The following PCDHA10 variants were observed in gnomAD, a reference collection of about 807,000 sequenced individuals.
PCDHA10 encodes protocadherin alpha 10.
Under a neutral mutation model 61.2 loss-of-function variants are expected in PCDHA10, and 45 were observed. That is an observed-to-expected ratio of 0.74 (90% confidence interval 0.58 to 0.94). PCDHA10 has a LOEUF of 0.94. PCDHA10 is among the 40% of genes least tolerant of loss of function. The pLI is 0.00. For synonymous variants in PCDHA10, 602 were observed against 548.8 expected (o/e 1.10, Z -1.35); for missense variants, 1,278 against 1,236.2 (o/e 1.03, Z -0.51).
At chr5:140,999,877 G>C (rs1194481133) in intron 3 of PCDHA10, among the ~76,000 whole-genome samples, 1 of 152,152 alleles carries the variant, frequency 6.6e-6, no homozygotes, top group Non-Finnish European at 1.5e-5. Flanking sequence ...CTGAAAATTA[G>C]CCCAGCTGTA....
chr5:140,900,653 T>C (rs1163740859), intron 1 of PCDHA10, among the ~76,000 whole-genome samples: 1 of 152,220 alleles, frequency 6.6e-6, no homozygotes, highest in Non-Finnish European at 1.5e-5. Flanking sequence ...ACTGCTGCAA[T>C]GAACAATGGG....
At chr5:140,907,144 G>A (rs1006725502) in intron 1 of PCDHA10, among the ~76,000 whole-genome samples, 17 of 152,104 alleles carry the variant, frequency 1.1e-4, no homozygotes, top group Non-Finnish European at 2.4e-4. Flanking sequence ...CCGGCTATGG[G>A]AGAAACAGTA....
intron 1 of PCDHA10, among the ~76,000 whole-genome samples, chr5:140,935,913 GACAGATTC>G (rs1178474379): frequency 8.0e-6 from 1 of 125,106 alleles, no homozygotes; most frequent in Admixed American, 8.3e-5. Context: ...TTTTTTTTGA[GACAGATTC>G]TCATTCTGTT....
chr5:140,883,817 G>A, intron 1 of PCDHA10: 1 of 1,612,636 alleles, frequency 6.2e-7, no homozygotes, highest in Non-Finnish European at 8.5e-7. Context: ...GAGCGGCAAG[G>A]TGTACGCGCT....
Position 140,910,416 on chromosome 5 carries a change from A to G in PCDHA10, c.2388+51980A>G, listed in dbSNP as rs191093101. Among the ~76,000 whole-genome samples, 67 of 152,280 alleles carry G rather than the reference A, an allele frequency of 4.4e-4. No individual in the cohort carries two copies. In the East Asian group the frequency reaches 0.013, roughly 28 times the overall value. ...CTGGCCCCTGCCACCTCGAGATCCAATTATTCCCATTGCATTTAAGTTTTG... is the reference window on the plus strand; with the variant it reads ...CTGGCCCCTGCCACCTCGAGATCCAGTTATTCCCATTGCATTTAAGTTTTG... On this transcript the variant is annotated intron_variant, in intron 1 of 3. Coordinates refer to ENST00000307360, the MANE Select transcript of PCDHA10 (RefSeq NM_018901.4).
intron 3 of PCDHA10, among the ~76,000 whole-genome samples, chr5:141,000,339 A>ATC (rs1414297743): frequency 9.8e-6 from 1 of 102,338 alleles, no homozygotes; most frequent in Non-Finnish European, 2.1e-5. Context: ...GCAAGGCCCT[A>ATC]TCTCTCTCTC....
At chr5:140,937,332 C>A (rs1003482242) in intron 1 of PCDHA10, among the ~76,000 whole-genome samples, 1 of 152,094 alleles carries the variant, frequency 6.6e-6, no homozygotes, top group Non-Finnish European at 1.5e-5. Flanking sequence ...CCACCGCGCC[C>A]GGCTTCTTCC....
intron 1 of PCDHA10, among the ~76,000 whole-genome samples, chr5:140,918,164 G>T (rs1156404209): frequency 6.6e-6 from 1 of 152,088 alleles, no homozygotes; most frequent in East Asian, 1.9e-4. Context: ...TATTGTAAAT[G>T]GCATTGTGTT....
intron 1 of PCDHA10, chr5:140,928,228 C>T: frequency 6.2e-7 from 1 of 1,614,218 alleles, no homozygotes; most frequent in Non-Finnish European, 8.5e-7. Context: ...ACCAAACTTT[C>T]CTCAACCCCA....
chr5:140,940,774 G>T (rs1554213602), intron 1 of PCDHA10, among the ~76,000 whole-genome samples: 4 of 151,994 alleles, frequency 2.6e-5, no homozygotes, highest in African/African-American at 7.3e-5. Context: ...GACTTTTGAT[G>T]GTCCATATCC....
chr5:140,936,337 C>G (rs1226552278), intron 1 of PCDHA10, among the ~76,000 whole-genome samples: 17 of 152,160 alleles, frequency 1.1e-4, no homozygotes, highest in Non-Finnish European at 1.5e-5. Context: ...TTTTCTCTAT[C>G]TGCATATATG....
intron 1 of PCDHA10, among the ~76,000 whole-genome samples, chr5:140,890,509 A>G (rs1448258191): frequency 6.6e-6 from 1 of 151,802 alleles, no homozygotes; most frequent in African/African-American, 2.4e-5. Flanking sequence ...TTATGTCTCT[A>G]TTTCCTTCCT....
chr5:140,896,092 TG>T (rs2065379013), intron 1 of PCDHA10, among the ~76,000 whole-genome samples: 1 of 152,194 alleles, frequency 6.6e-6, no homozygotes, highest in Non-Finnish European at 1.5e-5. Context: ...ATTACAGGCG[TG>T]AGCCACTGTG....
At chr5:140,882,811 C>T in intron 1 of PCDHA10, 2 of 1,614,192 alleles carry the variant, frequency 1.2e-6, no homozygotes, top group Non-Finnish European at 8.5e-7. Flanking sequence ...TCACTTTGGA[C>T]GCACAAAACA....
chr5:140,902,258 G>A (rs1389556264), intron 1 of PCDHA10, among the ~76,000 whole-genome samples: 2 of 137,592 alleles, frequency 1.5e-5, no homozygotes, highest in African/African-American at 5.6e-5. Context: ...GGCTGGTCTC[G>A]AACTCCTGGG....
chr5:140,941,191 T>TTTTTTTC lies in PCDHA10; in HGVS notation c.2389-37755_2389-37754insTTTCTTT, dbSNP rs1554213809. ...CATCTTGAACATCCTGCTTCTTTTT[T>TTTTTTTC]TTTCTTTCTTCCTTTCTTTCTTCCT... is the stretch of plus-strand genomic sequence containing the variant. On this transcript the variant is annotated intron_variant, in intron 1 of 3. Coordinates refer to ENST00000307360, the MANE Select transcript of PCDHA10 (RefSeq NM_018901.4). Among the ~76,000 whole-genome samples, 30 of 93,254 alleles carry TTTTTTTC rather than the reference T, an allele frequency of 3.2e-4. 1 individual carries two copies. Among genetic ancestry groups the TTTTTTTC allele is most frequent in the Admixed American group, 1.8e-3 (15 of 8,146 alleles). The allele number at this position is 93,254 out of a possible 152,430, so 61.2% of individuals were successfully genotyped here.
Position 140,982,372 on chromosome 5 carries a change from C to G in PCDHA10, c.2448-103C>G, listed in dbSNP as rs1479669249. 1.9e-6 allele frequency: 3 copies of G among 1,554,840 alleles called. No homozygotes were observed. In the East Asian group the frequency reaches 7.0e-5, roughly 36 times the overall value. ...TTCAAGCATGAGCAGAATGTGTTAG[C>G]TGCAGCCCTGGCTTCATAGTTGTAA... On this transcript the variant is annotated intron_variant, in intron 2 of 3. Coordinates refer to ENST00000307360, the MANE Select transcript of PCDHA10 (RefSeq NM_018901.4).
intron 1 of PCDHA10, among the ~76,000 whole-genome samples, chr5:140,935,656 CTTTTA>C (rs1300447387): frequency 6.6e-6 from 1 of 151,868 alleles, no homozygotes; most frequent in African/African-American, 2.4e-5. Context: ...TTTTAATTTT[CTTTTA>C]TAATTATGTG....
intron 1 of PCDHA10, chr5:140,927,510 G>A: frequency 1.9e-6 from 3 of 1,614,090 alleles, no homozygotes; most frequent in Non-Finnish European, 2.5e-6. Flanking sequence ...TTACAGCTCG[G>A]GACGGCGGGC....
Sources: allele counts gnomAD v4.1 joint callset (sites outside exome capture counted in the v4.1 genomes callset), GRCh38; gene constraint gnomAD v4.1.1; transcripts MANE v1.5; gene names NCBI Gene and HGNC (gene_info 2026-07-23, HGNC 2026-07-21).